Variants in SH3RF3 observed in about 807,000 individuals in gnomAD.
The protein encoded by SH3RF3 is SH3 domain containing ring finger 3.
Under a neutral mutation model 66.3 loss-of-function variants are expected in SH3RF3, and 29 were observed. The observed-to-expected ratio is 0.44, with a 90% confidence interval of 0.33 to 0.60. The LOEUF (loss-of-function observed/expected upper bound fraction) is 0.60. Among genes scored for constraint, SH3RF3 ranks in the 20% least tolerant of loss-of-function variants. SH3RF3 has a pLI of 0.04. For synonymous variants in SH3RF3, 583 were observed against 532.0 expected, an observed-to-expected ratio of 1.10 and a Z score of -1.32; for missense variants, 1,194 against 1,190.9, an observed-to-expected ratio of 1.00 and a Z score of -0.04.
intron 1 of SH3RF3, among the ~76,000 whole-genome samples, chr2:109,211,095 C>T (rs1321516619): frequency 6.6e-6 from 1 of 152,130 alleles, no homozygotes; most frequent in Non-Finnish European, 1.5e-5. Flanking sequence ...TTAATATGCC[C>T]ATTTATGTGT....
rs190396503 is a variant in SH3RF3, at chr2:109,369,033, C to T, written c.850-2553C>T. 3.3e-4 allele frequency among the ~76,000 whole-genome samples: 50 copies of T among 152,208 alleles called. 1 individual carries two copies. The highest frequency in any genetic ancestry group is 2.6e-3 in the Admixed American group (39 of 15,274). ...AGCCAGGGCCCCACTCTAGTGTCCTCGTGGTGTTTAGAAAAGCCCTCCCAC... is the reference window on the plus strand; with the variant it reads ...AGCCAGGGCCCCACTCTAGTGTCCTTGTGGTGTTTAGAAAAGCCCTCCCAC... On this transcript the variant is annotated intron_variant, in intron 2 of 9. Coordinates refer to ENST00000309415, the MANE Select transcript of SH3RF3 (RefSeq NM_001099289.3).
chr2:109,254,001 A>T (rs1680158095), intron 1 of SH3RF3, among the ~76,000 whole-genome samples: 1 of 151,510 alleles, frequency 6.6e-6, no homozygotes, highest in African/African-American at 2.4e-5. Flanking sequence ...TAGGTTATAC[A>T]TCATACAACT....
intron 2 of SH3RF3, among the ~76,000 whole-genome samples, chr2:109,361,483 T>C (rs1299669126): frequency 6.6e-6 from 1 of 152,196 alleles, no homozygotes; most frequent in East Asian, 1.9e-4. Context: ...TTATTCAGTT[T>C]CTTTTTTTAA....
intron 1 of SH3RF3, among the ~76,000 whole-genome samples, chr2:109,226,559 A>C (rs898836779): frequency 6.6e-6 from 1 of 152,202 alleles, no homozygotes; most frequent in Non-Finnish European, 1.5e-5. Context: ...TACTGTTCTT[A>C]GGGTGACTTT....
intron 4 of SH3RF3, among the ~76,000 whole-genome samples, chr2:109,400,497 T>C (rs909854451): frequency 7.3e-5 from 11 of 150,962 alleles, no homozygotes; most frequent in African/African-American, 2.2e-4. Context: ...ACAGGTGCAT[T>C]TACACATACA....
At chr2:109,301,204 CA>C (rs2105395611) in intron 1 of SH3RF3, among the ~76,000 whole-genome samples, 1 of 152,330 alleles carries the variant, frequency 6.6e-6, no homozygotes, top group South Asian at 2.1e-4. Context: ...TTCCTCTGCG[CA>C]GGCTGATGTC....
At chr2:109,332,098 G>C (rs1682300864) in intron 1 of SH3RF3, among the ~76,000 whole-genome samples, 1 of 152,188 alleles carries the variant, frequency 6.6e-6, no homozygotes, top group Non-Finnish European at 1.5e-5. Context: ...GGGTGCTTCT[G>C]TTTAGCATAG....
At position 109,188,903 on chromosome 2, in the gene SH3RF3, T is replaced by C. The variant is rs546327798; in HGVS notation, c.573+58790T>C. On this transcript the variant is annotated intron_variant, in intron 1 of 9. Transcript: ENST00000309415. The stretch of plus-strand genomic sequence containing the variant: ...CCGGGGCATTGTGTAGCAGCTGGCA[T>C]TTAGTCTCACAACTTTTTCTTTGTT... Among the ~76,000 whole-genome samples the C allele has an allele frequency of 2.0e-5, 3 of 152,188 alleles. No homozygotes were observed. The South Asian group carries it at 6.2e-4, about 32-fold the overall frequency.
intron 1 of SH3RF3, among the ~76,000 whole-genome samples, chr2:109,163,519 C>G (rs1338417815): frequency 6.7e-6 from 1 of 148,408 alleles, no homozygotes; most frequent in Admixed American, 6.7e-5. Flanking sequence ...CTGCCTCAGC[C>G]TCCCAAGTAG....
chr2:109,255,734 A>G (rs1680207723), intron 1 of SH3RF3, among the ~76,000 whole-genome samples: 1 of 152,230 alleles, frequency 6.6e-6, no homozygotes, highest in Non-Finnish European at 1.5e-5. Context: ...CCGATAAGCT[A>G]CTTCTAGGGC....
chr2:109,176,630 A>G (rs557961413), intron 1 of SH3RF3, among the ~76,000 whole-genome samples: 39 of 152,332 alleles, frequency 2.6e-4, no homozygotes, highest in Admixed American at 8.5e-4. Flanking sequence ...CCAGCAACCC[A>G]GAAGGCTGAG....
chr2:109,327,858 A>G (rs1462880993), intron 1 of SH3RF3, among the ~76,000 whole-genome samples: 3 of 152,146 alleles, frequency 2.0e-5, no homozygotes, highest in Non-Finnish European at 4.4e-5. Context: ...CCTTTGCATA[A>G]ATTTTCTTTT....
intron 8 of SH3RF3, among the ~76,000 whole-genome samples, chr2:109,467,322 CT>C (rs1470959974): frequency 1.3e-5 from 2 of 152,246 alleles, no homozygotes; most frequent in Admixed American, 6.5e-5. Context: ...AAACCAGCTG[CT>C]GATACACACA....
chr2:109,140,098 C>T (rs915808938), intron 1 of SH3RF3, among the ~76,000 whole-genome samples: 2 of 152,204 alleles, frequency 1.3e-5, no homozygotes, highest in African/African-American at 4.8e-5. Flanking sequence ...CCACTTAGTC[C>T]TGGGAGGCCC....
chr2:109,411,463 G>A (rs1395592701), intron 4 of SH3RF3, among the ~76,000 whole-genome samples: 1 of 152,168 alleles, frequency 6.6e-6, no homozygotes, highest in Non-Finnish European at 1.5e-5. Flanking sequence ...GCCTGTCAGT[G>A]GGAGGACCCC....
At chr2:109,240,606 T>C (rs985070959) in intron 1 of SH3RF3, among the ~76,000 whole-genome samples, 1 of 152,222 alleles carries the variant, frequency 6.6e-6, no homozygotes, top group Non-Finnish European at 1.5e-5. Context: ...TTTTCATTGC[T>C]GCAGTTTCAA....
chr2:109,203,544 G>A (rs557328366), intron 1 of SH3RF3, among the ~76,000 whole-genome samples: 37 of 152,176 alleles, frequency 2.4e-4, no homozygotes, highest in Admixed American at 9.2e-4. Context: ...GCATGCATTT[G>A]GAGCCCTCTG....
At chr2:109,141,910 C>T (rs1448562918) in intron 1 of SH3RF3, among the ~76,000 whole-genome samples, 1 of 152,110 alleles carries the variant, frequency 6.6e-6, no homozygotes, top group East Asian at 1.9e-4. Flanking sequence ...CTACCTCCTG[C>T]AAGCTCTGCA....
intron 4 of SH3RF3, among the ~76,000 whole-genome samples, chr2:109,411,985 C>T (rs1676602999): frequency 6.6e-6 from 1 of 152,210 alleles, no homozygotes; most frequent in Non-Finnish European, 1.5e-5. Context: ...TGGCCAAGGC[C>T]CCAGACCCCT....
Sources: gnomAD v4.1 joint callset for allele counts (sites outside exome capture counted in the v4.1 genomes callset) on GRCh38, gnomAD v4.1.1 for gene constraint, MANE v1.5 for transcripts, NCBI Gene and HGNC (gene_info 2026-07-23, HGNC 2026-07-21) for gene names.